The following CAPN2 variants were observed in gnomAD, a reference collection of about 807,000 sequenced individuals.
CAPN2 encodes calpain 2.
A neutral mutation model predicts 102.3 loss-of-function variants in CAPN2; 92 were observed. That is an observed-to-expected ratio of 0.90 (90% confidence interval 0.76 to 1.07). The LOEUF (loss-of-function observed/expected upper bound fraction) is 1.07, where lower values mean the gene tolerates loss of function less well. Ranked by LOEUF, CAPN2 falls within the 50% of genes least tolerant of loss-of-function variation. The pLI is 0.00. For synonymous variants in CAPN2, 340 were observed against 355.4 expected (o/e 0.96, Z 0.49); for missense variants, 800 against 909.4 (o/e 0.88, Z 1.55).
chr1:223,757,176 G>A (rs1184672513), intron 10 of CAPN2, among the ~76,000 whole-genome samples, 193 bp from the exon 11 acceptor site: 1 of 152,176 alleles, frequency 6.6e-6, no homozygotes, highest in South Asian at 2.1e-4. Context: ...GGGAGGTGAG[G>A]GCTTATCAAC....
chr1:223,746,770 G>A (rs945637380), intron 4 of CAPN2, among the ~76,000 whole-genome samples: 3 of 152,034 alleles, frequency 2.0e-5, no homozygotes, highest in Non-Finnish European at 4.4e-5. Flanking sequence ...ATGAGCTACC[G>A]CGCCCGGCCT....
rs375353116 is a variant in CAPN2 at position 223,745,445 on chromosome 1, T to C, written c.560+6T>C. 8 of 1,614,036 alleles carry C rather than the reference T, an allele frequency of 5.0e-6. No individual in the cohort carries two copies. Among genetic ancestry groups the C allele is most frequent in the African/African-American group, 4.0e-5 (3 of 74,944 alleles). On this transcript the variant is annotated splice_donor_region_variant and intron_variant, in intron 4 of 20. Transcript: ENST00000295006. ...CTGGAGAAGGCATACGCCAAGTAAGTTGCCATCCTCCCCTGGCCCCATGGC... is the reference window on the plus strand; with the variant it reads ...CTGGAGAAGGCATACGCCAAGTAAGCTGCCATCCTCCCCTGGCCCCATGGC...
chr1:223,748,989 G>A, intron 5 of CAPN2, 50 bp from the exon 6 acceptor site: 1 of 1,528,134 alleles, frequency 6.5e-7, no homozygotes, highest in Non-Finnish European at 9.1e-7. Flanking sequence ...AGGGAGTCCG[G>A]GAGGAAGGGA....
At chr1:223,757,020 C>A (rs1044183045) in intron 10 of CAPN2, among the ~76,000 whole-genome samples, 2 of 152,202 alleles carry the variant, frequency 1.3e-5, no homozygotes, top group African/African-American at 2.4e-5. Context: ...GCTCCTAGCC[C>A]CAGGTGTATT....
Position 223,717,897 on chromosome 1 carries a change from G to A in CAPN2, c.307+66G>A, listed in dbSNP as rs1659923757. ...TAAGGCTGTGGGTGGAAGAGATGAG[G>A]GACAACCTGTGGCTTCTCTCCCTTC... On this transcript the variant is annotated intron_variant, in intron 2 of 20. Transcript: ENST00000295006. 11 of 1,227,790 alleles carry A rather than the reference G, an allele frequency of 9.0e-6. No homozygotes were observed. The Admixed American group carries it at 1.9e-4, about 22-fold the overall frequency. 76.1% of individuals were successfully genotyped at this position (1,227,790 alleles called of 1,614,324 possible). A position where few individuals can be genotyped will look rare whatever the true frequency, so the allele number is the denominator to read the frequency against.
Position 223,772,192 on chromosome 1 carries a change from C to G in CAPN2, c.2032C>G (p.Gln678Glu). The G allele has an allele frequency of 6.2e-7, 1 of 1,614,080 alleles. No individual in the cohort carries two copies. The highest frequency in any genetic ancestry group is 1.7e-5 in the Admixed American group (1 of 60,016). ...TTCTCCCTCCACAGAGATATTTAAGCAGCTGGATCCCGAGAATACTGGAAC... is the reference window on the plus strand; with the variant it reads ...TTCTCCCTCCACAGAGATATTTAAGGAGCTGGATCCCGAGAATACTGGAAC... The part of the protein sequence containing the change: ...RLETLFKIFK[Q>E]LDPENTGTIE... Residue 678 changes from glutamine (Q) to glutamate (E), a missense_variant, in exon 20 of 21, where the codon CAG becomes GAG. Transcript: ENST00000295006.
At chr1:223,742,865 C>G (rs2102795415) in intron 2 of CAPN2, among the ~76,000 whole-genome samples, 1 of 152,272 alleles carries the variant, frequency 6.6e-6, no homozygotes, top group Non-Finnish European at 1.5e-5. Flanking sequence ...GAAAATAAAT[C>G]CAACAGTGAA....
intron 9 of CAPN2, among the ~76,000 whole-genome samples, chr1:223,753,351 A>AGGGAAC (rs1187387411): frequency 6.6e-6 from 1 of 152,210 alleles, no homozygotes; most frequent in Non-Finnish European, 1.5e-5. Flanking sequence ...CGAGCCTACA[A>AGGGAAC]GGGAACCTTG....
rs1348988916 is a variant in CAPN2 at position 223,731,360 on chromosome 1, C to T, written c.308-12740C>T. Among the ~76,000 whole-genome samples the T allele has an allele frequency of 6.6e-6, 1 of 152,040 alleles. No homozygotes were observed. Among genetic ancestry groups the T allele is most frequent in the Admixed American group, 6.5e-5 (1 of 15,270 alleles). On this transcript the variant is annotated intron_variant, in intron 2 of 20. Coordinates refer to ENST00000295006, the MANE Select transcript of CAPN2 (RefSeq NM_001748.5). This position sits in a 1 kb window ranked among gnomAD's most constrained non-coding sequence, Gnocchi z 4.2. Reference sequence around the variant, plus strand: ...CCCTCTCCAGTTCCCAATGCCCAGCCCCACAATGCCCGTCCTGCTGCCTGC... The same window carrying T: ...CCCTCTCCAGTTCCCAATGCCCAGCTCCACAATGCCCGTCCTGCTGCCTGC...
chr1:223,749,148 G>A, intron 6 of CAPN2, 26 bp downstream of exon 6: 1 of 1,597,330 alleles, frequency 6.3e-7, no homozygotes, highest in South Asian at 1.1e-5. Context: ...GATGTGCAGG[G>A]GTCCTGCTGT....
At chr1:223,708,032 A>G (rs1659650702), upstream of CAPN2, among the ~76,000 whole-genome samples, 1 of 152,220 alleles carries the variant, frequency 6.6e-6, no homozygotes, top group African/African-American at 2.4e-5. Flanking sequence ...CAGTGGAACA[A>G]ATGAACAGCT....
At chr1:223,719,161 C>A (rs1000910716) in intron 2 of CAPN2, among the ~76,000 whole-genome samples, 1 of 152,164 alleles carries the variant, frequency 6.6e-6, no homozygotes, top group Admixed American at 6.6e-5. Context: ...TCCTTGAGCA[C>A]CCAAGGCGGA....
chr1:223,762,050 C>A, intron 13 of CAPN2, 136 bp from the exon 14 acceptor site: 1 of 649,386 alleles, frequency 1.5e-6, no homozygotes. Context: ...TGATCTTAAC[C>A]CAAATCACCG....
chr1:223,771,954 T>A (rs1171377007), intron 19 of CAPN2, 29 bp downstream of exon 19: 1 of 1,482,114 alleles, frequency 6.7e-7, no homozygotes, highest in Admixed American at 1.7e-5. Context: ...AATGACTCAT[T>A]TCAGTTCTCT....
rs181833185 is a variant in CAPN2 at position 223,718,758 on chromosome 1, A to C, written c.307+927A>C. On this transcript the variant is annotated intron_variant, in intron 2 of 20. Coordinates refer to ENST00000295006, the MANE Select transcript of CAPN2 (RefSeq NM_001748.5). ...TACCTCCTGTCCTCACCCACCTAGC[A>C]GAGGTTCTGTTACTCATATACTCCT... is the stretch of plus-strand genomic sequence containing the variant. Among the ~76,000 whole-genome samples, 4 of 152,340 alleles carry C rather than the reference A, an allele frequency of 2.6e-5. No homozygotes were observed. In the East Asian group the frequency reaches 7.7e-4, roughly 29 times the overall value.
intron 2 of CAPN2, among the ~76,000 whole-genome samples, chr1:223,737,840 T>C (rs1660506402): frequency 6.6e-6 from 1 of 151,794 alleles, no homozygotes; most frequent in Non-Finnish European, 1.5e-5. Context: ...GCATGCATGC[T>C]TTCAAAAGCA....
chr1:223,714,621 T>TA (rs373544472), intron 1 of CAPN2, among the ~76,000 whole-genome samples: 88,033 of 130,900 alleles, frequency 0.67, 30,207 homozygotes, highest in Middle Eastern at 0.78. Context: ...TATAAAAAAG[T>TA]AAAAAAAAAA....
intron 16 of CAPN2, among the ~76,000 whole-genome samples, chr1:223,769,578 T>G (rs1161258877): frequency 2.6e-5 from 4 of 152,104 alleles, no homozygotes; most frequent in African/African-American, 9.7e-5. Flanking sequence ...CAATACCTCA[T>G]TTTTAGTAGT....
intron 1 of CAPN2, among the ~76,000 whole-genome samples, chr1:223,715,486 CG>C (rs929822149): frequency 3.0e-4 from 46 of 151,940 alleles, no homozygotes; most frequent in Non-Finnish European, 6.2e-4. Flanking sequence ...AGTGAGAATA[CG>C]GGTTGTGGGC....
Sources: allele counts gnomAD v4.1 joint callset (sites outside exome capture counted in the v4.1 genomes callset), GRCh38; gene constraint gnomAD v4.1.1; non-coding constraint Gnocchi (gnomAD v3.1); transcripts MANE v1.5; gene names NCBI Gene and HGNC (gene_info 2026-07-23, HGNC 2026-07-21).